FBXL19: variants seen among roughly 807,000 people sequenced by gnomAD.
FBXL19 encodes F-box and leucine rich repeat protein 19.
In FBXL19, 16 loss-of-function variants were observed where a neutral mutation model predicts 71.2. The ratio of observed to expected loss-of-function variants is 0.22; its 90% CI spans 0.15 to 0.34. The LOEUF is 0.34. FBXL19 is among the 10% of genes least tolerant of loss of function. FBXL19 has a pLI of 1.00. For synonymous variants in FBXL19, 447 were observed against 409.4 expected (o/e 1.09, Z -1.11); for missense variants, 658 against 968.2 (o/e 0.68, Z 4.25).
intron 6 of FBXL19, 25 bp downstream of exon 6, chr16:30,928,653 C>T (rs2055633567): frequency 3.4e-6 from 5 of 1,491,252 alleles, no homozygotes; most frequent in Non-Finnish European, 4.5e-6. Context: ...TCCTCCCTCC[C>T]CTTCCCACCT....
At chr16:30,945,137 C>T (rs975185649) in intron 9 of FBXL19, among the ~76,000 whole-genome samples, 2 of 152,152 alleles carry the variant, frequency 1.3e-5, no homozygotes, top group African/African-American at 4.8e-5. Flanking sequence ...GTTTGGAGGG[C>T]AGCCTCATGG....
chr16:30,930,291 A>G lies in FBXL19; in HGVS notation c.1008A>G (p.Pro336=), dbSNP rs1476261902. ...APGEARNGRR[P]ARGSSGEKEN... Reference sequence around the variant, plus strand: ...GCGAGGCCCGGAATGGGCGACGGCCAGCCCGGGGCAGCTCTGGCGAGAAGG... The same window carrying G: ...GCGAGGCCCGGAATGGGCGACGGCCGGCCCGGGGCAGCTCTGGCGAGAAGG... The change falls in exon 7 of 11, where the codon CCA becomes CCG. Residue 336 remains proline, a synonymous_variant. Coordinates refer to ENST00000338343, the MANE Select transcript of FBXL19 (RefSeq NM_001382779.1). The surrounding 1 kb of genome is among the most constrained non-coding windows in gnomAD (Gnocchi z 8.5). The G allele has an allele frequency of 1.4e-5, 23 of 1,611,552 alleles. No homozygotes were observed. The highest frequency in any genetic ancestry group is 1.6e-5 in the Non-Finnish European group (19 of 1,179,134).
chr16:30,947,522 AG>A lies in FBXL19; in HGVS notation c.*298del, dbSNP rs922520021. On this transcript the variant is annotated 3_prime_UTR_variant, in exon 11 of 11. Transcript: ENST00000338343. ...GGTGCTGAGCCGAAGGGACGGTGGG[AG>A]GGGGGTTATGGTGCAAGTGTTGGGG... 1 of 295,936 alleles carries A rather than the reference AG, an allele frequency of 3.4e-6. No individual in the cohort carries two copies. 18.3% of individuals were successfully genotyped at this position (295,936 alleles called of 1,614,324 possible).
At chr16:30,932,597 C>T (rs927682807) in intron 7 of FBXL19, among the ~76,000 whole-genome samples, 1 of 152,196 alleles carries the variant, frequency 6.6e-6, no homozygotes, top group African/African-American at 2.4e-5. Flanking sequence ...CCCTGGTTTT[C>T]TCATCTGTAG....
intron 7 of FBXL19, among the ~76,000 whole-genome samples, chr16:30,937,881 T>C (rs2055756526): frequency 6.6e-6 from 1 of 151,976 alleles, no homozygotes; most frequent in African/African-American, 2.4e-5. Flanking sequence ...AAGGAAGTGG[T>C]GACAGTTAAG....
intron 7 of FBXL19, among the ~76,000 whole-genome samples, chr16:30,937,080 T>C (rs899589688): frequency 2.0e-5 from 3 of 152,060 alleles, no homozygotes; most frequent in African/African-American, 7.3e-5. Flanking sequence ...ATGATGATGG[T>C]AATGTTGACC....
chr16:30,934,499 A>T (rs1460331719), intron 7 of FBXL19, among the ~76,000 whole-genome samples: 1 of 152,088 alleles, frequency 6.6e-6, no homozygotes, highest in Non-Finnish European at 1.5e-5. Context: ...CTCTGCTAAA[A>T]ATACAAAAAT....
rs1287976250 is a variant in FBXL19 at position 30,946,355 on chromosome 16, C to T, written c.1628-375C>T. 6.6e-6 allele frequency among the ~76,000 whole-genome samples: 1 copy of T among 152,164 alleles called. No individual in the cohort carries two copies. The highest frequency in any genetic ancestry group is 1.5e-5 in the Non-Finnish European group (1 of 68,026). On this transcript the variant is annotated intron_variant, in intron 9 of 10. Coordinates refer to ENST00000338343, the MANE Select transcript of FBXL19 (RefSeq NM_001382779.1). The surrounding 1 kb of genome is among the most constrained non-coding windows in gnomAD (Gnocchi z 6.7). ...AGTAGCCGGGATTACAGGCGCCTGC[C>T]ACCATACCCGGCTAATTTTTGTATG... is the stretch of plus-strand genomic sequence containing the variant.
At chr16:30,936,848 T>C (rs1221555875) in intron 7 of FBXL19, among the ~76,000 whole-genome samples, 3 of 151,550 alleles carry the variant, frequency 2.0e-5, no homozygotes, top group Middle Eastern at 6.8e-3. Flanking sequence ...GTTCAAGTGA[T>C]TCTCCTGCCT....
chr16:30,925,652 T>C lies in FBXL19; in HGVS notation c.-24-79T>C, dbSNP rs1430151170. ...GAAGAGGGCAGGCTCTAGCTGCCTG[T>C]AGGTGGAGGGACCTGTCAGGGGTCT... On this transcript the variant is annotated intron_variant, in intron 1 of 10. Coordinates refer to ENST00000338343, the MANE Select transcript of FBXL19 (RefSeq NM_001382779.1). This position sits in a 1 kb window ranked among gnomAD's most constrained non-coding sequence, Gnocchi z 5.0. The C allele has an allele frequency of 1.5e-6, 2 of 1,361,750 alleles. No homozygotes were observed. The highest frequency in any genetic ancestry group is 3.8e-5 in the Admixed American group (1 of 26,646). 84.4% of individuals were successfully genotyped at this position (1,361,750 alleles called of 1,614,324 possible). A position where few individuals can be genotyped will look rare whatever the true frequency, so the allele number is the denominator to read the frequency against.
rs1204788665 is a variant in FBXL19 at position 30,948,479 on chromosome 16, GAGCCGGGCCAGGTCC to G, written c.*1250_*1264del. On this transcript the variant is annotated 3_prime_UTR_variant, in exon 11 of 11. Transcript: ENST00000338343. ...GGTGGGGCTTCGGGACCCCGGGGAT[GAGCCGGGCCAGGTCC>G]CGCCCCTCCGCGCAGGCCTCCGGGG... 6.6e-6 allele frequency: 1 copy of G among 152,394 alleles called. No homozygotes were observed. The highest frequency in any genetic ancestry group is 2.4e-5 in the African/African-American group (1 of 41,438). The allele number at this position is 152,394 out of a possible 1,614,324, so 9.4% of individuals were successfully genotyped here. A position where few individuals can be genotyped will look rare whatever the true frequency, so the allele number is the denominator to read the frequency against.
In FBXL19 at chr16:30,947,527, G is replaced by A. The variant is rs1353205715; in HGVS notation, c.*297G>A. ...TGAGCCGAAGGGACGGTGGGAGGGGGGTTATGGTGCAAGTGTTGGGGGGGA... is the reference window on the plus strand; with the variant it reads ...TGAGCCGAAGGGACGGTGGGAGGGGAGTTATGGTGCAAGTGTTGGGGGGGA... On this transcript the variant is annotated 3_prime_UTR_variant, in exon 11 of 11. Coordinates refer to ENST00000338343, the MANE Select transcript of FBXL19 (RefSeq NM_001382779.1). 2.4e-6 allele frequency: 1 copy of A among 420,454 alleles called. No individual in the cohort carries two copies. The highest frequency in any genetic ancestry group is 4.4e-6 in the Non-Finnish European group (1 of 227,890). 26.0% of individuals were successfully genotyped at this position (420,454 alleles called of 1,614,324 possible).
chr16:30,930,845 T>C lies in FBXL19; in HGVS notation c.1301+261T>C, dbSNP rs966398266. The stretch of plus-strand genomic sequence containing the variant: ...GATGAAGCTGAGGCCCAAGGTCATG[T>C]GGAAGAGAAGTGGTGGTAGAACTAG... On this transcript the variant is annotated intron_variant, in intron 7 of 10. Transcript: ENST00000338343. This position sits in a 1 kb window ranked among gnomAD's most constrained non-coding sequence, Gnocchi z 8.5. 2.0e-5 allele frequency among the ~76,000 whole-genome samples: 3 copies of C among 152,284 alleles called. No individual in the cohort carries two copies. The East Asian group carries it at 5.8e-4, about 29-fold the overall frequency.
rs1226843623 is a variant in FBXL19, at chr16:30,947,863, C to T, written c.*633C>T. ...CCCTCCCCAGGCTTCAGTTCCTTCCCCCTGACCCTGACTCCTTGAACGTCA... is the reference window on the plus strand; with the variant it reads ...CCCTCCCCAGGCTTCAGTTCCTTCCTCCTGACCCTGACTCCTTGAACGTCA... On this transcript the variant is annotated 3_prime_UTR_variant, in exon 11 of 11. Coordinates refer to ENST00000338343, the MANE Select transcript of FBXL19 (RefSeq NM_001382779.1). 2.2e-6 allele frequency: 1 copy of T among 454,192 alleles called. No homozygotes were observed. The highest frequency in any genetic ancestry group is 2.0e-5 in the African/African-American group (1 of 50,074). 28.1% of individuals were successfully genotyped at this position (454,192 alleles called of 1,614,324 possible). A position where few individuals can be genotyped will look rare whatever the true frequency, so the allele number is the denominator to read the frequency against.
rs2055807543 is a variant in FBXL19, at chr16:30,942,026, G to A, written c.1302-90G>A. On this transcript the variant is annotated intron_variant, in intron 7 of 10. Coordinates refer to ENST00000338343, the MANE Select transcript of FBXL19 (RefSeq NM_001382779.1). This position sits in a 1 kb window ranked among gnomAD's most constrained non-coding sequence, Gnocchi z 5.7. Reference sequence around the variant, plus strand: ...TTGTCTGTGTGGCCAGAAGAGAGCTGGGGTGCACCCTTGGAGCTGGGGAGC... The same window carrying A: ...TTGTCTGTGTGGCCAGAAGAGAGCTAGGGTGCACCCTTGGAGCTGGGGAGC... 1.4e-6 allele frequency: 2 copies of A among 1,383,698 alleles called. No homozygotes were observed. The highest frequency in any genetic ancestry group is 2.9e-5 in the Admixed American group (1 of 34,950). 85.7% of individuals were successfully genotyped at this position (1,383,698 alleles called of 1,614,324 possible).
At position 30,946,350 on chromosome 16, in the gene FBXL19, C is replaced by T. The variant is rs1357010690; in HGVS notation, c.1628-380C>T. On this transcript the variant is annotated intron_variant, in intron 9 of 10. Coordinates refer to ENST00000338343, the MANE Select transcript of FBXL19 (RefSeq NM_001382779.1). This position sits in a 1 kb window ranked among gnomAD's most constrained non-coding sequence, Gnocchi z 6.7. ...TCCTGAGTAGCCGGGATTACAGGCGCCTGCCACCATACCCGGCTAATTTTT... is the reference window on the plus strand; with the variant it reads ...TCCTGAGTAGCCGGGATTACAGGCGTCTGCCACCATACCCGGCTAATTTTT... 1.3e-5 allele frequency among the ~76,000 whole-genome samples: 2 copies of T among 152,098 alleles called. No homozygotes were observed. Among genetic ancestry groups the T allele is most frequent in the East Asian group, 3.9e-4 (2 of 5,190 alleles).
chr16:30,947,607 A>G lies in FBXL19; in HGVS notation c.*377A>G, dbSNP rs1596659932. ...GGAGCCAGGGGCTGGGGGAGGTGGA[A>G]GGGGCGGGGGGCGGGGCAGACAGCA... is the stretch of plus-strand genomic sequence containing the variant. On this transcript the variant is annotated 3_prime_UTR_variant, in exon 11 of 11. Coordinates refer to ENST00000338343, the MANE Select transcript of FBXL19 (RefSeq NM_001382779.1). 5.0e-6 allele frequency: 1 copy of G among 200,126 alleles called. No homozygotes were observed. The highest frequency in any genetic ancestry group is 3.3e-5 in the South Asian group (1 of 30,514). The allele number at this position is 200,126 out of a possible 1,614,324, so 12.4% of individuals were successfully genotyped here.
rs1361531766 is a variant in FBXL19 at position 30,923,741 on chromosome 16, G to A, written c.-743G>A. On this transcript the variant is annotated 5_prime_UTR_variant, in exon 1 of 11. Transcript: ENST00000338343. ...TCCTTCCACCCTCCCGCTTGAGGAG[G>A]GGGATTTATTCAAATTTTATTTAAA... 2.0e-5 allele frequency among the ~76,000 whole-genome samples: 3 copies of A among 151,456 alleles called. No individual in the cohort carries two copies. The highest frequency in any genetic ancestry group is 4.4e-5 in the Non-Finnish European group (3 of 67,782).
At chr16:30,941,823 C>T (rs1315484575) in intron 7 of FBXL19, among the ~76,000 whole-genome samples, 1 of 152,218 alleles carries the variant, frequency 6.6e-6, no homozygotes, top group Non-Finnish European at 1.5e-5. Flanking sequence ...GCCCATGTGA[C>T]CTGACAGCTG....
Sources: allele counts gnomAD v4.1 joint callset (sites outside exome capture counted in the v4.1 genomes callset), GRCh38; gene constraint gnomAD v4.1.1; non-coding constraint Gnocchi (gnomAD v3.1); transcripts MANE v1.5; gene names NCBI Gene and HGNC (gene_info 2026-07-23, HGNC 2026-07-21).